The following NKAIN2 variants were observed in gnomAD, a reference collection of about 807,000 sequenced individuals.
The protein encoded by NKAIN2 is sodium/potassium transporting ATPase interacting 2.
Under a neutral mutation model 32.6 loss-of-function variants are expected in NKAIN2, and 14 were observed. The ratio of observed to expected loss-of-function variants is 0.43; its 90% CI spans 0.28 to 0.67. The LOEUF (loss-of-function observed/expected upper bound fraction) is 0.67. Among genes scored for constraint, NKAIN2 ranks in the 30% least tolerant of loss-of-function variants. The pLI, the probability that NKAIN2 is intolerant of heterozygous loss-of-function variation, is 0.17. For synonymous variants in NKAIN2, 80 were observed against 87.2 expected, an observed-to-expected ratio of 0.92 and a Z score of 0.46; for missense variants, 198 against 258.3, an observed-to-expected ratio of 0.77 and a Z score of 1.60.
chr6:124,289,107 C>G (rs1447917576), intron 2 of NKAIN2, among the ~76,000 whole-genome samples: 1 of 152,092 alleles, frequency 6.6e-6, no homozygotes, highest in Non-Finnish European at 1.5e-5. Flanking sequence ...ATTGTAAACT[C>G]TAAGACTGTC....
intron 1 of NKAIN2, chr6:123,828,774 T>C (rs939803814): frequency 6.6e-6 from 1 of 152,252 alleles, no homozygotes; most frequent in Non-Finnish European, 1.5e-5. Flanking sequence ...CTTCATGCTG[T>C]ACCCTCAACC....
At chr6:124,336,268 A>T (rs1797852541) in intron 2 of NKAIN2, among the ~76,000 whole-genome samples, 1 of 152,304 alleles carries the variant, frequency 6.6e-6, no homozygotes, top group South Asian at 2.1e-4. Context: ...GGGATGCATT[A>T]CAATTGATTA....
intron 1 of NKAIN2, among the ~76,000 whole-genome samples, chr6:123,849,943 A>T (rs1775247178): frequency 7.2e-6 from 1 of 139,406 alleles, no homozygotes; most frequent in South Asian, 2.2e-4. Context: ...TCTGTAACTC[A>T]GGCTGGTTTT....
rs550037655 is a variant in NKAIN2, at chr6:124,218,970, A to C, written c.55-64035A>C. On this transcript the variant is annotated intron_variant, in intron 1 of 6. Transcript: ENST00000368417. ...CATGGCAGAAGGTGAAAGAGAAGCA[A>C]GGCACCTTCTTCACAAGGCAGCAGG... Among the ~76,000 whole-genome samples the C allele has an allele frequency of 7.5e-4, 114 of 152,314 alleles. 1 individual carries two copies. In the South Asian group the frequency reaches 7.7e-3, roughly 10 times the overall value.
chr6:124,658,726 CAAAAT>C (rs1784634954), intron 4 of NKAIN2: 2 of 440,256 alleles, frequency 4.5e-6, no homozygotes, highest in Non-Finnish European at 7.9e-6. Context: ...CTACAGTACT[CAAAAT>C]TATAAGATTT....
intron 1 of NKAIN2, among the ~76,000 whole-genome samples, chr6:124,135,232 T>C (rs1786696096): frequency 6.6e-6 from 1 of 151,704 alleles, no homozygotes; most frequent in Non-Finnish European, 1.5e-5. Context: ...AAAAAACTGT[T>C]TAGGCAACAA....
rs553002762 is a variant in NKAIN2 at position 124,329,217 on chromosome 6, G to A, written c.193-26050G>A. 1.2e-4 allele frequency among the ~76,000 whole-genome samples: 19 copies of A among 152,308 alleles called. No individual in the cohort carries two copies. The South Asian group carries it at 3.9e-3, about 32-fold the overall frequency. ...TGCCACTGTTCAGCATGCCTGTCAA[G>A]TTGTGGCAACTGCTCTGATGCACTG... is the stretch of plus-strand genomic sequence containing the variant. On this transcript the variant is annotated intron_variant, in intron 2 of 6. Transcript: ENST00000368417.
chr6:124,603,717 A>G (rs1370357857), intron 3 of NKAIN2, among the ~76,000 whole-genome samples: 1 of 151,942 alleles, frequency 6.6e-6, no homozygotes, highest in African/African-American at 2.4e-5. Flanking sequence ...AAACTGATAC[A>G]CTGAGAGTTA....
At chr6:123,864,749 T>A (rs1775917539) in intron 1 of NKAIN2, among the ~76,000 whole-genome samples, 2 of 152,138 alleles carry the variant, frequency 1.3e-5, no homozygotes, top group African/African-American at 4.8e-5. Flanking sequence ...ATATTAAGAA[T>A]AAAAATTCAA....
At chr6:124,465,879 T>G (rs1025142569) in intron 3 of NKAIN2, among the ~76,000 whole-genome samples, 1 of 152,140 alleles carries the variant, frequency 6.6e-6, no homozygotes, top group East Asian at 1.9e-4. Context: ...AATTAGCCTG[T>G]GTAACTTCAT....
chr6:124,173,983 A>G (rs1264047930), intron 1 of NKAIN2, among the ~76,000 whole-genome samples: 2 of 152,152 alleles, frequency 1.3e-5, no homozygotes, highest in Non-Finnish European at 2.9e-5. Context: ...ACATTCATGT[A>G]TAGCATGCAA....
intron 1 of NKAIN2, among the ~76,000 whole-genome samples, chr6:124,084,450 A>C (rs74412424): frequency 6.6e-6 from 1 of 151,956 alleles, no homozygotes; most frequent in Non-Finnish European, 1.5e-5. Flanking sequence ...ATCTAGGTTC[A>C]TGTAAGTACA....
rs558898812 is a variant in NKAIN2, at chr6:124,347,817, A to G, written c.193-7450A>G. On this transcript the variant is annotated intron_variant, in intron 2 of 6. Coordinates refer to ENST00000368417, the MANE Select transcript of NKAIN2 (RefSeq NM_001040214.3). ...AGCTCGGAGCAGTTTGATCATCTGA[A>G]GCCTTCTTCTCTGCACTCGTCAAAG... Among the ~76,000 whole-genome samples, 181 of 152,280 alleles carry G rather than the reference A, an allele frequency of 1.2e-3. 1 individual carries two copies. Among genetic ancestry groups the G allele is most frequent in the African/African-American group, 4.3e-3 (177 of 41,562 alleles).
chr6:124,243,603 A>G (rs1275237420), intron 1 of NKAIN2, among the ~76,000 whole-genome samples: 1 of 152,122 alleles, frequency 6.6e-6, no homozygotes, highest in Admixed American at 6.6e-5. Flanking sequence ...TCTTCAAATC[A>G]CCAAGATTGT....
intron 3 of NKAIN2, among the ~76,000 whole-genome samples, chr6:124,412,988 A>G (rs1774282000): frequency 6.6e-6 from 1 of 152,144 alleles, no homozygotes; most frequent in African/African-American, 2.4e-5. Flanking sequence ...GCAGGAGATA[A>G]TCTCCTGGTG....
At chr6:124,067,866 C>T (rs569727826) in intron 1 of NKAIN2, among the ~76,000 whole-genome samples, 1 of 152,096 alleles carries the variant, frequency 6.6e-6, no homozygotes, top group Non-Finnish European at 1.5e-5. Context: ...TATTTTATGG[C>T]AGGCATGTGC....
chr6:123,969,332 C>T (rs1227226904), intron 1 of NKAIN2, among the ~76,000 whole-genome samples: 1 of 152,056 alleles, frequency 6.6e-6, no homozygotes, highest in African/African-American at 2.4e-5. Context: ...TTAAAAAGGT[C>T]TGTTGAAGTG....
intron 2 of NKAIN2, among the ~76,000 whole-genome samples, chr6:124,334,186 CAGG>C (rs1337919503): frequency 6.6e-6 from 1 of 152,134 alleles, no homozygotes; most frequent in Non-Finnish European, 1.5e-5. Context: ...GTTCTCTCTT[CAGG>C]AGATTTTATT....
chr6:124,722,770 T>C (rs1463940378), intron 4 of NKAIN2, among the ~76,000 whole-genome samples: 1 of 152,226 alleles, frequency 6.6e-6, no homozygotes, highest in East Asian at 1.9e-4. Flanking sequence ...TTTCCATAGC[T>C]ACCACCCCAT....
Sources: allele counts gnomAD v4.1 joint callset (sites outside exome capture counted in the v4.1 genomes callset), GRCh38; gene constraint gnomAD v4.1.1; transcripts MANE v1.5; gene names NCBI Gene and HGNC (gene_info 2026-07-23, HGNC 2026-07-21).